TMPRSS12: variants seen among roughly 807,000 people sequenced by gnomAD.
The protein encoded by TMPRSS12 is transmembrane protease serine 12.
Under a neutral mutation model 26.0 loss-of-function variants are expected in TMPRSS12, and 25 were observed. The observed-to-expected ratio is 0.96, with a 90% confidence interval of 0.70 to 1.34. The LOEUF (loss-of-function observed/expected upper bound fraction) is 1.34. TMPRSS12 is among the 40% of genes most tolerant of loss of function. The pLI is 0.00. For synonymous variants in TMPRSS12, 150 were observed against 161.7 expected, an observed-to-expected ratio of 0.93 and a Z score of 0.55; for missense variants, 441 against 440.1, an observed-to-expected ratio of 1.00 and a Z score of -0.02.
intron 3 of TMPRSS12, among the ~76,000 whole-genome samples, chr12:50,868,795 A>G (rs11524564): frequency 0.26 from 40,204 of 152,052 alleles, 5,992 homozygotes; most frequent in South Asian, 0.35. Context: ...TATATCAAGA[A>G]CTCTCTTGGA....
chr12:50,884,072 A>T (rs950932285), intron 3 of TMPRSS12, among the ~76,000 whole-genome samples: 5 of 152,214 alleles, frequency 3.3e-5, no homozygotes, highest in African/African-American at 4.8e-5. Flanking sequence ...GTTAAAGGAT[A>T]AAAAATATTT....
chr12:50,846,997 G>A (rs12317842), intron 2 of TMPRSS12, among the ~76,000 whole-genome samples: 21,876 of 138,770 alleles, frequency 0.16, 2,786 homozygotes, highest in African/African-American at 0.37. Context: ...GGGTTTTTCT[G>A]TTTCTGCAAA....
chr12:50,845,154 T>A (rs1294838003), intron 2 of TMPRSS12, among the ~76,000 whole-genome samples: 1 of 152,230 alleles, frequency 6.6e-6, no homozygotes. Context: ...CATTGACCCA[T>A]AAAATCCAAC....
At chr12:50,859,719 A>C (rs1439721155) in intron 3 of TMPRSS12, among the ~76,000 whole-genome samples, 2 of 152,302 alleles carry the variant, frequency 1.3e-5, no homozygotes, top group East Asian at 3.9e-4. Context: ...GCTGTCTACA[A>C]TACTTAGTAC....
At chr12:50,872,519 CAAAA>C (rs778372099) in intron 3 of TMPRSS12, among the ~76,000 whole-genome samples, 14,231 of 39,150 alleles carry the variant, frequency 0.36, 2,037 homozygotes, top group East Asian at 0.56. Context: ...GACTCCGTCT[CAAAA>C]AAAAAAAAAA....
chr12:50,870,052 C>A (rs1282141630), intron 3 of TMPRSS12, among the ~76,000 whole-genome samples: 1 of 152,072 alleles, frequency 6.6e-6, no homozygotes, highest in Non-Finnish European at 1.5e-5. Context: ...CACTGCACTC[C>A]AGCCTGGGCG....
At chr12:50,849,915 C>A (rs77700296) in intron 2 of TMPRSS12, among the ~76,000 whole-genome samples, 2 of 151,332 alleles carry the variant, frequency 1.3e-5, no homozygotes, top group South Asian at 4.2e-4. Flanking sequence ...AACCCCCTCC[C>A]TCCTTCATTG....
intron 3 of TMPRSS12, among the ~76,000 whole-genome samples, chr12:50,860,784 A>AT (rs1198986978): frequency 6.6e-6 from 1 of 151,508 alleles, no homozygotes; most frequent in Non-Finnish European, 1.5e-5. Context: ...TAATTTTTTC[A>AT]TTTTTTTGTA....
At chr12:50,858,371 A>AATT (rs1937901475) in intron 2 of TMPRSS12, among the ~76,000 whole-genome samples, 1 of 152,240 alleles carries the variant, frequency 6.6e-6, no homozygotes, top group African/African-American at 2.4e-5. Context: ...GTATCTCTAA[A>AATT]AGATGGGAAC....
At chr12:50,878,755 G>A (rs1340751679) in intron 3 of TMPRSS12, among the ~76,000 whole-genome samples, 1 of 151,664 alleles carries the variant, frequency 6.6e-6, no homozygotes, top group Non-Finnish European at 1.5e-5. Context: ...CTTACGCCGC[G>A]AAAAAAAACC....
chr12:50,859,035 G>C lies in TMPRSS12; in HGVS notation c.634G>C (p.Gly212Arg), dbSNP rs1257577798. Residue 212 changes from glycine (G) to arginine (R), a missense_variant, in exon 3 of 5, where the codon GGA (glycine) becomes CGA (arginine). Gly to Arg is a moderately radical substitution (Grantham distance 125, BLOSUM62 -2). Coordinates refer to ENST00000398458, the MANE Select transcript of TMPRSS12 (RefSeq NM_182559.3). ...GNTKCFISGW[G>R]RTKEEGNATN... ...CACAAAGTGTTTTATAAGTGGCTGGGGAAGAACAAAAGAAGAAGGTAATTA... is the reference window on the plus strand; with the variant it reads ...CACAAAGTGTTTTATAAGTGGCTGGCGAAGAACAAAAGAAGAAGGTAATTA... 9 of 1,588,658 alleles carry C rather than the reference G, an allele frequency of 5.7e-6. No individual in the cohort carries two copies. In the East Asian group the frequency reaches 1.8e-4, roughly 32 times the overall value.
intron 3 of TMPRSS12, among the ~76,000 whole-genome samples, chr12:50,867,356 G>C (rs1938001070): frequency 6.6e-6 from 1 of 152,198 alleles, no homozygotes; most frequent in South Asian, 2.1e-4. Flanking sequence ...CTCTGCAATA[G>C]AATTGAGCAA....
chr12:50,871,664 TGAGAG>T (rs1938043763), intron 3 of TMPRSS12, among the ~76,000 whole-genome samples: 1 of 151,628 alleles, frequency 6.6e-6, no homozygotes, highest in African/African-American at 2.4e-5. Flanking sequence ...ACCCACAGAG[TGAGAG>T]AAAATCTTCA....
chr12:50,864,149 C>G (rs998168159), intron 3 of TMPRSS12, among the ~76,000 whole-genome samples: 1 of 152,150 alleles, frequency 6.6e-6, no homozygotes, highest in East Asian at 1.9e-4. Context: ...GATTTGCTAT[C>G]CAAAGTAACA....
intron 2 of TMPRSS12, among the ~76,000 whole-genome samples, chr12:50,849,010 A>C (rs4768939): frequency 1.3e-5 from 2 of 151,998 alleles, no homozygotes; most frequent in Non-Finnish European, 2.9e-5. Context: ...GACTACAGGC[A>C]TGTGCTACCA....
At chr12:50,869,693 C>T (rs1938023762) in intron 3 of TMPRSS12, among the ~76,000 whole-genome samples, 1 of 152,090 alleles carries the variant, frequency 6.6e-6, no homozygotes, top group African/African-American at 2.4e-5. Flanking sequence ...AAGGACATAA[C>T]CAAAAAAGAA....
chr12:50,887,678 T>C lies in TMPRSS12; in HGVS notation c.*165T>C, dbSNP rs1938241990. On this transcript the variant is annotated 3_prime_UTR_variant, in exon 5 of 5. Coordinates refer to ENST00000398458, the MANE Select transcript of TMPRSS12 (RefSeq NM_182559.3). ...TGTGACAGATATACAATTGTAATTT[T>C]GGCACTGAATCACATGTCTCCTTGA... 1.3e-6 allele frequency: 1 copy of C among 787,646 alleles called. No homozygotes were observed. The highest frequency in any genetic ancestry group is 1.9e-6 in the Non-Finnish European group (1 of 520,856). 48.8% of individuals were successfully genotyped at this position (787,646 alleles called of 1,614,324 possible).
chr12:50,864,355 A>G (rs1937967690), intron 3 of TMPRSS12, among the ~76,000 whole-genome samples: 1 of 152,150 alleles, frequency 6.6e-6, no homozygotes, highest in African/African-American at 2.4e-5. Flanking sequence ...AAGATCACAA[A>G]TAATTAATAT....
intron 4 of TMPRSS12, chr12:50,885,811 A>G (rs948110344): frequency 1.2e-4 from 37 of 304,562 alleles, no homozygotes; most frequent in African/African-American, 8.2e-4. Flanking sequence ...ACACATCACT[A>G]TGCCCGGCCA....
Sources: allele counts gnomAD v4.1 joint callset (sites outside exome capture counted in the v4.1 genomes callset), GRCh38; gene constraint gnomAD v4.1.1; transcripts MANE v1.5; gene names NCBI Gene and HGNC (gene_info 2026-07-23, HGNC 2026-07-21).